The following HMCN1 variants were observed in gnomAD, a reference collection of about 807,000 sequenced individuals.
The protein encoded by HMCN1 is hemicentin-1.
Under a neutral mutation model 625.9 loss-of-function variants are expected in HMCN1, and 321 were observed. The ratio of observed to expected loss-of-function variants is 0.51; its 90% CI spans 0.47 to 0.56. The LOEUF (loss-of-function observed/expected upper bound fraction) is 0.56, where lower values mean the gene tolerates loss of function less well. Among genes scored for constraint, HMCN1 ranks in the 20% least tolerant of loss-of-function variants. The pLI, the probability that HMCN1 is intolerant of heterozygous loss-of-function variation, is 0.00. For synonymous variants in HMCN1, 2,425 were observed against 2,417.6 expected, an observed-to-expected ratio of 1.00 and a Z score of -0.09; for missense variants, 6,588 against 6,887.3, an observed-to-expected ratio of 0.96 and a Z score of 1.54.
At chr1:185,780,167 A>G (rs1656959529) in intron 1 of HMCN1, among the ~76,000 whole-genome samples, 1 of 152,152 alleles carries the variant, frequency 6.6e-6, no homozygotes, top group Admixed American at 6.5e-5. Flanking sequence ...TTGGTGTATA[A>G]GAATGCTTGT....
intron 1 of HMCN1, among the ~76,000 whole-genome samples, chr1:185,784,882 TC>T (rs1657452376): frequency 6.6e-6 from 1 of 152,206 alleles, no homozygotes; most frequent in African/African-American, 2.4e-5. Flanking sequence ...TCTCTGCCAA[TC>T]CTACCAACAT....
chr1:185,974,879 G>A (rs898845727), intron 15 of HMCN1, among the ~76,000 whole-genome samples: 1 of 152,024 alleles, frequency 6.6e-6, no homozygotes, highest in African/African-American at 2.4e-5. Context: ...GAGTTTTGTT[G>A]GTACAGATTG....
intron 4 of HMCN1, among the ~76,000 whole-genome samples, chr1:185,882,954 A>T (rs1189454935): frequency 1.3e-5 from 2 of 152,182 alleles, no homozygotes; most frequent in East Asian, 3.9e-4. Context: ...CTTTTCTTTC[A>T]TCATACTGTC....
intron 1 of HMCN1, among the ~76,000 whole-genome samples, chr1:185,812,059 T>C (rs1659553528): frequency 6.6e-6 from 1 of 152,184 alleles, no homozygotes; most frequent in African/African-American, 2.4e-5. Context: ...AGCTTTAACT[T>C]ACCCAGTCAG....
chr1:186,144,079 A>G (rs562466585), intron 89 of HMCN1, 94 bp from the exon 90 acceptor site: 2 of 1,091,614 alleles, frequency 1.8e-6, no homozygotes, highest in South Asian at 1.6e-5. Flanking sequence ...ATTGGGGACT[A>G]ATTAGCTCAT....
At chr1:185,839,055 G>A (rs1265521648) in intron 1 of HMCN1, among the ~76,000 whole-genome samples, 1 of 152,126 alleles carries the variant, frequency 6.6e-6, no homozygotes, top group Non-Finnish European at 1.5e-5. Flanking sequence ...TTTGGTTGTT[G>A]TGGAAACAAT....
chr1:186,010,156 A>C (rs1273278288), intron 30 of HMCN1, among the ~76,000 whole-genome samples: 1 of 151,848 alleles, frequency 6.6e-6, no homozygotes, highest in African/African-American at 2.4e-5. Flanking sequence ...ATTGCATAAA[A>C]GTCTTGAGGG....
intron 11 of HMCN1, among the ~76,000 whole-genome samples, chr1:185,939,563 AT>A (rs1446824342): frequency 2.0e-5 from 3 of 152,128 alleles, no homozygotes; most frequent in Non-Finnish European, 4.4e-5. Context: ...CAGGCAGTTA[AT>A]TTGCATTTTT....
chr1:185,882,931 T>C (rs531131269), intron 4 of HMCN1, among the ~76,000 whole-genome samples: 17 of 152,228 alleles, frequency 1.1e-4, no homozygotes, highest in Admixed American at 2.0e-4. Context: ...TTCTTGTGCC[T>C]ACGTGAATCT....
chr1:186,174,522 G>C lies in HMCN1; in HGVS notation c.15823G>C (p.Glu5275Gln). ...AENGTCIDID[E>Q]CKDGTHQCRY... ...TGCCTCCATGTCTGTAGATATTGAT[G>C]AATGTAAAGATGGGACCCATCAGTG... The change falls in exon 103 of 107, where the codon GAA becomes CAA. Residue 5275 changes from glutamate (E) to glutamine (Q), a missense_variant. This residue lies in a region of HMCN1 where 1,954 missense variants were observed against 2,013.1 expected (regional missense o/e 0.97). Coordinates refer to ENST00000271588, the MANE Select transcript of HMCN1 (RefSeq NM_031935.3). The C allele has an allele frequency of 6.2e-7, 1 of 1,613,870 alleles. No homozygotes were observed. Among genetic ancestry groups the C allele is most frequent in the Non-Finnish European group, 8.5e-7 (1 of 1,179,788 alleles).
At chr1:186,169,601 T>C (rs1273543633) in intron 100 of HMCN1, among the ~76,000 whole-genome samples, 2 of 152,110 alleles carry the variant, frequency 1.3e-5, no homozygotes, top group African/African-American at 4.8e-5. Flanking sequence ...CCCTATCTAA[T>C]AAATGGTGAG....
chr1:185,923,407 C>A lies in HMCN1; in HGVS notation c.1039C>A (p.Leu347Met). The stretch of plus-strand genomic sequence containing the variant: ...TCTTGTAGGAATACCTACCTATGTA[C>A]TGCTCAATACTTCTGGAATTTCCAC... ...RPVQGIPTYV[L>M]LNTSGISTPA... Residue 347 changes from leucine to methionine, a missense_variant, in exon 8 of 107, where the codon CTG (leucine) becomes ATG (methionine). This residue lies in a region of HMCN1 where 4,628 missense variants were observed against 4,853.1 expected (regional missense o/e 0.95). Transcript: ENST00000271588. 1 of 1,609,772 alleles carries A rather than the reference C, an allele frequency of 6.2e-7. No individual in the cohort carries two copies. Among genetic ancestry groups the A allele is most frequent in the Non-Finnish European group, 8.5e-7 (1 of 1,176,868 alleles).
chr1:185,932,156 C>G (rs749723716), intron 10 of HMCN1, among the ~76,000 whole-genome samples: 1 of 152,104 alleles, frequency 6.6e-6, no homozygotes, highest in Non-Finnish European at 1.5e-5. Context: ...GTATTCTTTC[C>G]AATGGATTCA....
intron 26 of HMCN1, among the ~76,000 whole-genome samples, chr1:186,000,449 T>C (rs902521641): frequency 2.0e-5 from 3 of 151,810 alleles, no homozygotes; most frequent in African/African-American, 4.8e-5. Context: ...ATTCAAATGG[T>C]AGAAAAAGAT....
At chr1:186,000,857 T>A (rs1365426806) in intron 26 of HMCN1, among the ~76,000 whole-genome samples, 1 of 151,962 alleles carries the variant, frequency 6.6e-6, no homozygotes, top group African/African-American at 2.4e-5. Context: ...TTATTAACTT[T>A]AAATGAAAAT....
chr1:186,161,187 TC>T (rs1651448615), intron 97 of HMCN1, among the ~76,000 whole-genome samples: 4 of 150,094 alleles, frequency 2.7e-5, no homozygotes, highest in Non-Finnish European at 6.0e-5. Flanking sequence ...GCCTTCTTTG[TC>T]TCTTTTGATC....
intron 70 of HMCN1, among the ~76,000 whole-genome samples, chr1:186,108,077 G>T (rs1998346): frequency 0.97 from 142,789 of 147,402 alleles, 69,169 homozygotes; most frequent in East Asian, 1. Flanking sequence ...GAAAAATACA[G>T]TCTGTATATT....
At chr1:186,009,261 A>G (rs534044680) in intron 30 of HMCN1, among the ~76,000 whole-genome samples, 29 of 152,318 alleles carry the variant, frequency 1.9e-4, no homozygotes, top group African/African-American at 6.7e-4. Context: ...CTTTCATTTT[A>G]GATCCTCTTG....
chr1:186,096,960 C>T (rs1194164323), intron 68 of HMCN1, among the ~76,000 whole-genome samples: 1 of 152,090 alleles, frequency 6.6e-6, no homozygotes, highest in Non-Finnish European at 1.5e-5. Context: ...AAGTTGAAAG[C>T]CTTTCCTACA....
Sources: allele counts gnomAD v4.1 joint callset (sites outside exome capture counted in the v4.1 genomes callset), GRCh38; gene constraint gnomAD v4.1.1; regional missense constraint gnomAD v4.1.1; transcripts MANE v1.5; gene names NCBI Gene and HGNC (gene_info 2026-07-23, HGNC 2026-07-21).